The following DCT variants were observed in gnomAD, a reference collection of about 807,000 sequenced individuals.
DCT encodes dopachrome tautomerase, also known as L-dopachrome tautomerase.
Under a neutral mutation model 53.0 loss-of-function variants are expected in DCT, and 47 were observed. That is an observed-to-expected ratio of 0.89 (90% CI 0.70 to 1.13). DCT has a LOEUF of 1.13. Among genes scored for constraint, DCT ranks in the 50% most tolerant of loss-of-function variants. DCT has a pLI of 0.00. For missense variants in DCT, 669 were observed against 637.4 expected (o/e 1.05, Z -0.53); for synonymous variants, 244 against 237.0 (o/e 1.03, Z -0.27).
chr13:94,525,256 A>T, the DCT span, among the ~76,000 whole-genome samples: 1 of 151,822 alleles, frequency 6.6e-6, no homozygotes, highest in East Asian at 1.9e-4. Flanking sequence ...ATGCACCACC[A>T]TACCTAGCTA....
the DCT span, among the ~76,000 whole-genome samples, chr13:94,497,417 C>A: frequency 1.3e-5 from 2 of 152,154 alleles, no homozygotes; most frequent in African/African-American, 4.8e-5. Flanking sequence ...GTTAGGAGCA[C>A]CAACTCCCCA....
At chr13:94,456,566 G>A (rs1007386513) in intron 6 of DCT, among the ~76,000 whole-genome samples, 73 of 152,280 alleles carry the variant, frequency 4.8e-4, no homozygotes, top group Admixed American at 4.8e-3. Flanking sequence ...CTCTAATTCT[G>A]ACCATTATAA....
At chr13:94,463,997 T>G (rs140654260) in intron 4 of DCT, among the ~76,000 whole-genome samples, 24 of 152,340 alleles carry the variant, frequency 1.6e-4, no homozygotes, top group African/African-American at 5.5e-4. Flanking sequence ...TAAAAACCTT[T>G]TAAACTCAGC....
intron 1 of DCT, among the ~76,000 whole-genome samples, chr13:94,471,628 G>C (rs1384716034): frequency 1.3e-5 from 2 of 152,296 alleles, no homozygotes; most frequent in East Asian, 3.9e-4. Context: ...ATTAAAAACA[G>C]ATTTGATTAA....
chr13:94,510,733 G>C, the DCT span, among the ~76,000 whole-genome samples: 1 of 152,116 alleles, frequency 6.6e-6, no homozygotes, highest in African/African-American at 2.4e-5. Context: ...TGTACATTAT[G>C]ATCCACAAAT....
At position 94,437,204 on chromosome 13, in the gene DCT, A is replaced by G. The variant is rs1162245941; in HGVS notation, c.*2694T>C. 1 of 152,208 alleles carries G rather than the reference A, an allele frequency of 6.6e-6. No individual in the cohort carries two copies. Among genetic ancestry groups the G allele is most frequent in the African/African-American group, 2.4e-5 (1 of 41,460 alleles). 9.4% of individuals were successfully genotyped at this position (152,208 alleles called of 1,614,324 possible). ...TTTCAGACTGAGGTTGTTATTATAT[A>G]TTTTACATGTATATATATTTCAATA... On this transcript the variant is annotated 3_prime_UTR_variant, in exon 8 of 8. Transcript: ENST00000377028.
the DCT span, among the ~76,000 whole-genome samples, chr13:94,497,876 A>ATGTGTGTGTGTGTG: frequency 2.5e-3 from 383 of 151,558 alleles, 4 homozygotes; most frequent in African/African-American, 8.7e-3. Context: ...GGTCACCTAT[A>ATGTGTGTGTGTGTG]TGTGTGTGTG....
At chr13:94,528,965 A>G in the DCT span, among the ~76,000 whole-genome samples, 1 of 152,318 alleles carries the variant, frequency 6.6e-6, no homozygotes, top group Non-Finnish European at 1.5e-5. Flanking sequence ...GCAAATGGAA[A>G]GCAAAAAAAG....
chr13:94,468,425 T>C (rs41275888), intron 2 of DCT: 12,283 of 234,052 alleles, frequency 0.052, 463 homozygotes, highest in Non-Finnish European at 0.076. Context: ...AATATTTTCT[T>C]CTGAAATCAA....
In DCT at chr13:94,438,967, CAA is replaced by C; in HGVS notation, c.*929_*930del. The C allele has an allele frequency of 4.4e-6, 1 of 229,164 alleles. No individual in the cohort carries two copies. Among genetic ancestry groups the C allele is most frequent in the Non-Finnish European group, 8.7e-6 (1 of 114,496 alleles). The allele number at this position is 229,164 out of a possible 1,614,324, so 14.2% of individuals were successfully genotyped here. On this transcript the variant is annotated 3_prime_UTR_variant, in exon 8 of 8. Transcript: ENST00000377028. Reference sequence around the variant, plus strand: ...GTAAAGAAATTGGTAGAGGATCAGCCAAAGAGACCTCAGAGTAATGGGACTCA... The same window carrying C: ...GTAAAGAAATTGGTAGAGGATCAGCCAGAGACCTCAGAGTAATGGGACTCA...
At chr13:94,459,576 G>C (rs1883639996) in intron 6 of DCT, among the ~76,000 whole-genome samples, 1 of 152,082 alleles carries the variant, frequency 6.6e-6, no homozygotes, top group South Asian at 2.1e-4. Flanking sequence ...TGTCCAACAG[G>C]GGACACCAAG....
chr13:94,536,433 C>T, the DCT span, among the ~76,000 whole-genome samples: 1 of 152,138 alleles, frequency 6.6e-6, no homozygotes, highest in Admixed American at 6.5e-5. Flanking sequence ...TAAATGTGAT[C>T]CCCAGTGTTG....
intron 2 of DCT, chr13:94,467,544 G>T (rs1483119140): frequency 6.6e-6 from 1 of 152,104 alleles, no homozygotes; most frequent in Non-Finnish European, 1.5e-5. Context: ...AAACTATAAA[G>T]GTTTATAGCC....
At chr13:94,452,088 G>A (rs1378319281) in intron 6 of DCT, among the ~76,000 whole-genome samples, 8 of 151,830 alleles carry the variant, frequency 5.3e-5, no homozygotes, top group Non-Finnish European at 8.8e-5. Context: ...GCTGGAGTGC[G>A]ATGGCACGAT....
At chr13:94,536,249 C>A in the DCT span, among the ~76,000 whole-genome samples, 2 of 152,088 alleles carry the variant, frequency 1.3e-5, no homozygotes, top group African/African-American at 4.8e-5. Context: ...AAGGCCTGGA[C>A]CTGATGATTT....
At chr13:94,454,139 T>G (rs573938756) in intron 6 of DCT, among the ~76,000 whole-genome samples, 24 of 152,316 alleles carry the variant, frequency 1.6e-4, no homozygotes, top group Non-Finnish European at 3.2e-4. Context: ...AATGAACTTA[T>G]TTTATACACT....
upstream of DCT, among the ~76,000 whole-genome samples, chr13:94,484,508 T>C (rs1298622885): frequency 2.6e-5 from 4 of 152,200 alleles, no homozygotes; most frequent in African/African-American, 9.7e-5. Context: ...TTGGCTTCCA[T>C]AACAAAATGC....
chr13:94,487,405 C>T, the DCT span, among the ~76,000 whole-genome samples: 3 of 152,202 alleles, frequency 2.0e-5, no homozygotes, highest in Non-Finnish European at 2.9e-5. Context: ...CCAACTTGCA[C>T]ATAAGAAGGA....
chr13:94,538,066 C>G, the DCT span, among the ~76,000 whole-genome samples: 1 of 151,986 alleles, frequency 6.6e-6, no homozygotes, highest in African/African-American at 2.4e-5. Context: ...AATACACAAC[C>G]AGAAGATGAT....
Sources: allele counts gnomAD v4.1 joint callset (sites outside exome capture counted in the v4.1 genomes callset), GRCh38; gene constraint gnomAD v4.1.1; transcripts MANE v1.5; gene names NCBI Gene and HGNC (gene_info 2026-07-23, HGNC 2026-07-21).